HMCN1: variants seen among roughly 807,000 people sequenced by gnomAD.
HMCN1 encodes hemicentin-1.
HMCN1 carries 321 observed loss-of-function variants against 625.9 expected under a neutral mutation model. The ratio of observed to expected loss-of-function variants is 0.51; its 90% CI spans 0.47 to 0.56. The LOEUF is 0.56. HMCN1 is among the 20% of genes least tolerant of loss of function. The pLI is 0.00. For synonymous variants in HMCN1, 2,425 were observed against 2,417.6 expected (o/e 1.00, Z -0.09); for missense variants, 6,588 against 6,887.3 (o/e 0.96, Z 1.54).
intron 25 of HMCN1, 96 bp downstream of exon 25, chr1:185,997,620 T>A: frequency 1.2e-6 from 1 of 850,164 alleles, no homozygotes; most frequent in Admixed American, 1.8e-5. Context: ...AAATTCCACA[T>A]CAATCCTTGG....
chr1:186,012,673 A>C, intron 30 of HMCN1, among the ~76,000 whole-genome samples: 1 of 152,116 alleles, frequency 6.6e-6, no homozygotes, highest in East Asian at 1.9e-4. Context: ...ACCATTGGTA[A>C]ATGGCTTTCC....
Position 186,117,009 on chromosome 1 carries a change from T to C in HMCN1, c.11577T>C (p.Gly3859=). ...TGTCTTCTAGGCTCCTTTCTTCAGGTTCACTAGTAATTATTTCCCCTTCTG... is the reference window on the plus strand; with the variant it reads ...TGTCTTCTAGGCTCCTTTCTTCAGGCTCACTAGTAATTATTTCCCCTTCTG... The part of the protein sequence containing the change: ...NQNSYRLLSS[G]SLVIISPSVD... The change falls in exon 76 of 107, where the codon GGT becomes GGC. Residue 3859 remains glycine (G), a synonymous_variant. Coordinates refer to ENST00000271588, the MANE Select transcript of HMCN1 (RefSeq NM_031935.3). 6.2e-7 allele frequency: 1 copy of C among 1,613,172 alleles called. No homozygotes were observed. The highest frequency in any genetic ancestry group is 8.5e-7 in the Non-Finnish European group (1 of 1,179,292).
At chr1:185,917,431 T>G (rs1411044878) in intron 6 of HMCN1, among the ~76,000 whole-genome samples, 1 of 152,152 alleles carries the variant, frequency 6.6e-6, no homozygotes, top group Non-Finnish European at 1.5e-5. Context: ...GTAAATATCA[T>G]TTTTTTGAAC....
intron 10 of HMCN1, among the ~76,000 whole-genome samples, chr1:185,929,015 GATTA>G (rs958744682): frequency 8.6e-5 from 13 of 151,624 alleles, no homozygotes; most frequent in African/African-American, 3.2e-4. Context: ...AGACATTAGT[GATTA>G]TTATTATTGT....
At chr1:185,938,912 A>T (rs1389361325) in intron 11 of HMCN1, among the ~76,000 whole-genome samples, 1 of 152,186 alleles carries the variant, frequency 6.6e-6, no homozygotes, top group African/African-American at 2.4e-5. Flanking sequence ...AGATGCAAGT[A>T]GTTTTGAAAA....
Position 185,989,525 on chromosome 1 carries a change from C to T in HMCN1, c.3086C>T (p.Ser1029Leu), listed in dbSNP as rs150355305. 1 of 1,614,024 alleles carries T rather than the reference C, an allele frequency of 6.2e-7. No homozygotes were observed. The highest frequency in any genetic ancestry group is 2.2e-5 in the East Asian group (1 of 44,860). ...ELISTSSAKF[S>L]AGADGSLYVV... ...ATTTCAACCAGCAGTGCTAAGTTTT[C>T]AGCAGGAGCTGATGGTAGTCTGTAT... The change falls in exon 21 of 107, where the codon TCA becomes TTA. Residue 1029 changes from serine to leucine, a missense_variant. This residue lies in a region of HMCN1 where 4,628 missense variants were observed against 4,853.1 expected (regional missense o/e 0.95). Coordinates refer to ENST00000271588, the MANE Select transcript of HMCN1 (RefSeq NM_031935.3).
chr1:186,016,114 G>A lies in HMCN1; in HGVS notation c.5066G>A (p.Arg1689His), dbSNP rs761113225. Residue 1689 changes from arginine to histidine, a missense_variant, in exon 32 of 107, where the codon CGC (arginine) becomes CAC (histidine). This residue lies in a region of HMCN1 where 4,628 missense variants were observed against 4,853.1 expected (regional missense o/e 0.95). Coordinates refer to ENST00000271588, the MANE Select transcript of HMCN1 (RefSeq NM_031935.3). ...GVPVKANDNIRIEAGGKKLEI... is the reference protein window; with the variant it reads ...GVPVKANDNIHIEAGGKKLEI... Reference sequence around the variant, plus strand: ...CCTGTGAAAGCTAATGACAATATCCGCATAGAAGCTGGTGGGAAGAAACTC... The same window carrying A: ...CCTGTGAAAGCTAATGACAATATCCACATAGAAGCTGGTGGGAAGAAACTC... The A allele has an allele frequency of 2.4e-5, 39 of 1,613,390 alleles. No individual in the cohort carries two copies. The highest frequency in any genetic ancestry group is 1.7e-4 in the Middle Eastern group (1 of 6,060).
chr1:186,125,861 A>C, intron 82 of HMCN1, 67 bp downstream of exon 82: 1 of 1,196,854 alleles, frequency 8.4e-7, no homozygotes, highest in Admixed American at 1.7e-5. Context: ...ACTTTTAGTA[A>C]TTTAGCATGG....
intron 29 of HMCN1, among the ~76,000 whole-genome samples, chr1:186,004,886 T>C (rs1653447753): frequency 6.6e-6 from 1 of 152,072 alleles, no homozygotes; most frequent in South Asian, 2.1e-4. Flanking sequence ...AGGTAGATAC[T>C]TTACGGCATA....
At chr1:186,124,538 GTATT>G in intron 81 of HMCN1, among the ~76,000 whole-genome samples, 1 of 152,052 alleles carries the variant, frequency 6.6e-6, no homozygotes, top group Non-Finnish European at 1.5e-5. Flanking sequence ...TTAAAAATGA[GTATT>G]TACGATGTAC....
intron 51 of HMCN1, 38 bp from the exon 52 acceptor site, chr1:186,070,574 T>C: frequency 6.4e-7 from 1 of 1,567,664 alleles, no homozygotes; most frequent in Non-Finnish European, 8.8e-7. Flanking sequence ...GTATTGAAAA[T>C]AACCAATGTC....
At position 186,166,907 on chromosome 1, in the gene HMCN1, G is replaced by A; in HGVS notation, c.15539G>A (p.Gly5180Asp). The change falls in exon 100 of 107, where the codon GGC becomes GAC. Residue 5180 changes from glycine to aspartate, a missense_variant. This residue lies in a region of HMCN1 where 1,954 missense variants were observed against 2,013.1 expected (regional missense o/e 0.97). Transcript: ENST00000271588. ...SYRCVVRCGS[G>D]FRRTSDGLSC... ...CGCTGTGTGGTCCGTTGTGGAAGTGGCTTTCGAAGAACCTCTGATGGGCTG... is the reference window on the plus strand; with the variant it reads ...CGCTGTGTGGTCCGTTGTGGAAGTGACTTTCGAAGAACCTCTGATGGGCTG... 6.2e-7 allele frequency: 1 copy of A among 1,614,116 alleles called. No individual in the cohort carries two copies. Among genetic ancestry groups the A allele is most frequent in the African/African-American group, 1.3e-5 (1 of 75,028 alleles).
Position 186,094,159 on chromosome 1 carries a change from T to A in HMCN1, c.10197-117T>A, listed in dbSNP as rs565099681. 4.5e-5 allele frequency: 37 copies of A among 819,642 alleles called. 1 individual carries two copies. In the South Asian group the frequency reaches 5.4e-4, roughly 12 times the overall value. 50.8% of individuals were successfully genotyped at this position (819,642 alleles called of 1,614,324 possible). Reference sequence around the variant, plus strand: ...TTGTGATGGATGGCTATAAGCTTCATAATTAAAATTTCCCAACATAAATCA... The same window carrying A: ...TTGTGATGGATGGCTATAAGCTTCAAAATTAAAATTTCCCAACATAAATCA... On this transcript the variant is annotated intron_variant, in intron 66 of 106. Transcript: ENST00000271588.
rs12135336 is a variant in HMCN1 at position 186,117,537 on chromosome 1, C to T, written c.11762C>T (p.Ser3921Leu). The change falls in exon 77 of 107, where the codon TCG becomes TTG. Residue 3921 changes from serine (S) to leucine (L), a missense_variant. By Grantham distance (145) the Ser-to-Leu change is moderately radical. Transcript: ENST00000271588. ...HAPAVITCTA[S>L]GVPFPSIHWT... ...CCAGCAGTAATTACCTGCACTGCTT[C>T]GGGAGTTCCATTTCCCTCAATTCAC... 1.1e-5 allele frequency: 18 copies of T among 1,613,720 alleles called. No individual in the cohort carries two copies. Among genetic ancestry groups the T allele is most frequent in the East Asian group, 4.5e-5 (2 of 44,862 alleles).
At position 186,105,308 on chromosome 1, in the gene HMCN1, T is replaced by C. The variant is rs1660560123; in HGVS notation, c.10771-1576T>C. 2.0e-5 allele frequency among the ~76,000 whole-genome samples: 3 copies of C among 152,254 alleles called. No homozygotes were observed. In the South Asian group the frequency reaches 6.2e-4, roughly 32 times the overall value. On this transcript the variant is annotated intron_variant, in intron 69 of 106. Transcript: ENST00000271588. ...GCCCCCAGACTGATTTTGGTTACTCTGCTCCTTTATGTTTTCATAGCAATT... is the reference window on the plus strand; with the variant it reads ...GCCCCCAGACTGATTTTGGTTACTCCGCTCCTTTATGTTTTCATAGCAATT...
chr1:185,829,966 G>A (rs1660754211), intron 1 of HMCN1, among the ~76,000 whole-genome samples: 1 of 152,094 alleles, frequency 6.6e-6, no homozygotes, highest in South Asian at 2.1e-4. Context: ...GTATCTCATT[G>A]TGGTTTTGAT....
chr1:185,984,112 T>C lies in HMCN1; in HGVS notation c.2791-57T>C, dbSNP rs533422452. 5.6e-6 allele frequency: 8 copies of C among 1,441,328 alleles called. No homozygotes were observed. In the South Asian group the frequency reaches 8.3e-5, roughly 15 times the overall value. The allele number at this position is 1,441,328 out of a possible 1,614,324, so 89.3% of individuals were successfully genotyped here. A position where few individuals can be genotyped will look rare whatever the true frequency, so the allele number is the denominator to read the frequency against. ...AAAAAAAGAAAAAGCAGGTTCATTT[T>C]TGACTCTCACAAATCCTTTCTTTTT... On this transcript the variant is annotated intron_variant, in intron 18 of 106. Coordinates refer to ENST00000271588, the MANE Select transcript of HMCN1 (RefSeq NM_031935.3).
At chr1:185,886,164 G>C (rs1284864945) in intron 4 of HMCN1, among the ~76,000 whole-genome samples, 2 of 151,686 alleles carry the variant, frequency 1.3e-5, no homozygotes, top group East Asian at 3.9e-4. Context: ...GAATATGCAG[G>C]GCTCAGAGCT....
intron 9 of HMCN1, among the ~76,000 whole-genome samples, chr1:185,926,422 A>T (rs1009041971): frequency 1.1e-4 from 17 of 152,250 alleles, no homozygotes; most frequent in African/African-American, 4.1e-4. Flanking sequence ...ATAACCAGCA[A>T]CGTAATTGAC....
Sources: allele counts gnomAD v4.1 joint callset (sites outside exome capture counted in the v4.1 genomes callset), GRCh38; gene constraint gnomAD v4.1.1; regional missense constraint gnomAD v4.1.1; transcripts MANE v1.5; gene names NCBI Gene and HGNC (gene_info 2026-07-23, HGNC 2026-07-21).